LRRTM4: variants seen among roughly 807,000 people sequenced by gnomAD.
The protein encoded by LRRTM4 is leucine-rich repeat transmembrane neuronal protein 4.
A neutral mutation model predicts 47.6 loss-of-function variants in LRRTM4; 25 were observed. That is an observed-to-expected ratio of 0.53 (90% confidence interval 0.38 to 0.73). The LOEUF is 0.73. Among genes scored for constraint, LRRTM4 ranks in the 30% least tolerant of loss-of-function variants. The pLI is 0.00. For synonymous variants in LRRTM4, 311 were observed against 269.5 expected (o/e 1.15, Z -1.51); for missense variants, 638 against 713.4 (o/e 0.89, Z 1.20).
At chr2:77,252,605 A>T (rs769898050) in intron 3 of LRRTM4, among the ~76,000 whole-genome samples, 2 of 152,092 alleles carry the variant, frequency 1.3e-5, no homozygotes, top group Non-Finnish European at 2.9e-5. Flanking sequence ...TCAAACCAAA[A>T]CGAACCCAAT....
intron 3 of LRRTM4, among the ~76,000 whole-genome samples, chr2:76,837,804 G>A (rs559066414): frequency 2.0e-5 from 3 of 152,152 alleles, no homozygotes; most frequent in African/African-American, 7.2e-5. Context: ...GATGAAATTG[G>A]AAATCATCAT....
intron 3 of LRRTM4, among the ~76,000 whole-genome samples, chr2:77,302,067 T>C (rs1030034363): frequency 3.3e-5 from 5 of 152,086 alleles, no homozygotes; most frequent in South Asian, 2.1e-4. Context: ...TAAGCAGAAA[T>C]TGGCTCATTT....
At chr2:77,370,632 T>C (rs1672624234) in intron 3 of LRRTM4, among the ~76,000 whole-genome samples, 1 of 151,724 alleles carries the variant, frequency 6.6e-6, no homozygotes, top group Admixed American at 6.6e-5. Flanking sequence ...AATTTAGATA[T>C]GATGAGATGG....
chr2:77,053,494 A>G (rs954204116), intron 3 of LRRTM4, among the ~76,000 whole-genome samples: 1 of 152,180 alleles, frequency 6.6e-6, no homozygotes, highest in South Asian at 2.1e-4. Flanking sequence ...AGGACTCTCA[A>G]TTTTAAAAGA....
chr2:76,974,076 G>T (rs1406429976), intron 3 of LRRTM4, among the ~76,000 whole-genome samples: 5 of 150,140 alleles, frequency 3.3e-5, no homozygotes, highest in Non-Finnish European at 7.4e-5. Context: ...TTTACCATCC[G>T]TTTAAAAAAA....
chr2:77,061,353 T>A (rs1227211784), intron 3 of LRRTM4, among the ~76,000 whole-genome samples: 1 of 152,206 alleles, frequency 6.6e-6, no homozygotes, highest in Admixed American at 6.5e-5. Flanking sequence ...TTCCTTAATT[T>A]ATTCTGTCTA....
intron 3 of LRRTM4, among the ~76,000 whole-genome samples, chr2:77,097,477 C>A (rs574208668): frequency 6.6e-6 from 1 of 151,942 alleles, no homozygotes; most frequent in Admixed American, 6.5e-5. Context: ...TCATGTTTAA[C>A]AAATTTCAAG....
intron 3 of LRRTM4, among the ~76,000 whole-genome samples, chr2:77,003,903 G>A (rs1304125349): frequency 2.6e-5 from 4 of 152,168 alleles, no homozygotes; most frequent in Non-Finnish European, 5.9e-5. Flanking sequence ...ATAAAATCCA[G>A]GCTGAGGTGG....
chr2:76,867,229 TA>T (rs1267314347), intron 3 of LRRTM4, among the ~76,000 whole-genome samples: 1 of 152,138 alleles, frequency 6.6e-6, no homozygotes, highest in Non-Finnish European at 1.5e-5. Flanking sequence ...GAACTTAAAG[TA>T]AAATAAAATA....
At chr2:77,221,047 T>C (rs961993789) in intron 3 of LRRTM4, among the ~76,000 whole-genome samples, 4 of 152,180 alleles carry the variant, frequency 2.6e-5, no homozygotes, top group African/African-American at 9.7e-5. Context: ...TGGGGGCCAA[T>C]ATTCAACATT....
At chr2:77,187,167 G>C (rs952670118) in intron 3 of LRRTM4, among the ~76,000 whole-genome samples, 1 of 152,104 alleles carries the variant, frequency 6.6e-6, no homozygotes, top group African/African-American at 2.4e-5. Context: ...CCAATGTCTG[G>C]ATGTTTGGAT....
intron 3 of LRRTM4, among the ~76,000 whole-genome samples, chr2:77,044,888 C>T (rs1164313784): frequency 6.6e-6 from 1 of 151,264 alleles, no homozygotes. Context: ...TATACATATA[C>T]ATATATATGT....
At chr2:77,157,394 A>C (rs1672588607) in intron 3 of LRRTM4, among the ~76,000 whole-genome samples, 1 of 152,184 alleles carries the variant, frequency 6.6e-6, no homozygotes, top group South Asian at 2.1e-4. Flanking sequence ...CCAAGAAGAT[A>C]ACATTTTAAA....
intron 3 of LRRTM4, among the ~76,000 whole-genome samples, chr2:77,214,421 A>G (rs937849816): frequency 7.2e-5 from 11 of 152,184 alleles, no homozygotes; most frequent in Admixed American, 2.0e-4. Context: ...GATGCACAGA[A>G]GGTTCACAGT....
At chr2:76,769,972 C>A (rs560049515) in intron 3 of LRRTM4, among the ~76,000 whole-genome samples, 26 of 152,286 alleles carry the variant, frequency 1.7e-4, no homozygotes, top group African/African-American at 6.3e-4. Context: ...CATCCCAGAC[C>A]TACTCGATCA....
intron 3 of LRRTM4, among the ~76,000 whole-genome samples, chr2:77,088,162 G>T (rs1243819398): frequency 6.6e-6 from 1 of 152,182 alleles, no homozygotes; most frequent in African/African-American, 2.4e-5. Flanking sequence ...AATTTCTTCT[G>T]CTGTTTGTCA....
chr2:77,344,244 C>T (rs940243101), intron 3 of LRRTM4, among the ~76,000 whole-genome samples: 3 of 151,522 alleles, frequency 2.0e-5, no homozygotes, highest in African/African-American at 7.3e-5. Context: ...TAGCATATAC[C>T]AATTAATTCT....
rs557087241 is a variant in LRRTM4, at chr2:77,461,643, A to T, written c.1551+56675T>A. Among the ~76,000 whole-genome samples, 20 of 152,270 alleles carry T rather than the reference A, an allele frequency of 1.3e-4. No homozygotes were observed. In the South Asian group the frequency reaches 4.1e-3, roughly 32 times the overall value. The stretch of plus-strand genomic sequence containing the variant: ...ATATCAAGCTTTTTTTTCAGAAAGA[A>T]GCAATTACACGCATGCTCCTCTTTT... On this transcript the variant is annotated intron_variant, in intron 3 of 3. Transcript: ENST00000409884.
chr2:77,144,189 T>C (rs1030833842), intron 3 of LRRTM4, among the ~76,000 whole-genome samples: 2 of 152,204 alleles, frequency 1.3e-5, no homozygotes, highest in South Asian at 2.1e-4. Context: ...GCCTTTATGA[T>C]CTTACACCAG....
Sources: allele counts gnomAD v4.1 joint callset (sites outside exome capture counted in the v4.1 genomes callset), GRCh38; gene constraint gnomAD v4.1.1; transcripts MANE v1.5; gene names NCBI Gene and HGNC (gene_info 2026-07-23, HGNC 2026-07-21).